Variants in DDRGK1 observed in about 807,000 individuals in gnomAD.
DDRGK1 encodes the protein DDRGK domain-containing protein 1.
Under a neutral mutation model 45.8 loss-of-function variants are expected in DDRGK1, and 38 were observed. The observed-to-expected ratio is 0.83, with a 90% CI of 0.64 to 1.09. The LOEUF (loss-of-function observed/expected upper bound fraction) is 1.09. Among genes scored for constraint, DDRGK1 ranks in the 50% least tolerant of loss-of-function variants. DDRGK1 has a pLI of 0.00. For missense variants in DDRGK1, 403 were observed against 419.9 expected (o/e 0.96, Z 0.35); for synonymous variants, 171 against 168.7 (o/e 1.01, Z -0.11).
chr20:3,190,864 C>G lies in DDRGK1; in HGVS notation c.779-45G>C, dbSNP rs1216410442. 3 of 1,565,564 alleles carry G rather than the reference C, an allele frequency of 1.9e-6. No individual in the cohort carries two copies. In the East Asian group the frequency reaches 6.9e-5, roughly 36 times the overall value. On this transcript the variant is annotated intron_variant, in intron 8 of 8. Transcript: ENST00000354488. ...GTGGGGCTGAGGCCTCCTGGGCGTT[C>G]CCCATCTGGCCTGAGAATGCCCACC...
intron 3 of DDRGK1, 79 bp downstream of exon 3, chr20:3,200,263 C>A: frequency 6.7e-7 from 1 of 1,482,518 alleles, no homozygotes; most frequent in African/African-American, 1.4e-5. Context: ...AGGCAACAAG[C>A]CCTCAGTCTG....
At chr20:3,203,547 T>G (rs1438386255) in intron 1 of DDRGK1, 131 bp from the exon 2 acceptor site, 3 of 1,267,764 alleles carry the variant, frequency 2.4e-6, no homozygotes, top group African/African-American at 3.1e-5. Context: ...CCCCGACTTC[T>G]CAGTCTGACT....
rs1164812550 is a variant in DDRGK1 at position 3,200,398 on chromosome 20, C to T, written c.352G>A (p.Gly118Arg). Reference sequence around the variant, plus strand: ...TCCAGCTTCCGCAGTTTCTTAGCTCCAATTTTCCCCGACAGGTGAGTTTCC... The same window carrying T: ...TCCAGCTTCCGCAGTTTCTTAGCTCTAATTTTCCCCGACAGGTGAGTTTCC... ...PAETHLSGKI[G>R]AKKLRKLEEK... The change falls in exon 3 of 9, where the codon GGA becomes AGA. Residue 118 changes from glycine (G) to arginine (R), a missense_variant. Gly to Arg is a moderately radical substitution (Grantham distance 125). Transcript: ENST00000354488. The T allele has an allele frequency of 1.3e-6, 2 of 1,584,280 alleles. No homozygotes were observed. Among genetic ancestry groups the T allele is most frequent in the Non-Finnish European group, 1.7e-6 (2 of 1,164,874 alleles).
chr20:3,202,847 G>T (rs1370779765), intron 2 of DDRGK1, among the ~76,000 whole-genome samples: 2 of 152,166 alleles, frequency 1.3e-5, no homozygotes, highest in African/African-American at 4.8e-5. Flanking sequence ...GGTTGTGGGT[G>T]ACCCCACTCC....
chr20:3,196,740 T>G (rs572202183), intron 4 of DDRGK1, among the ~76,000 whole-genome samples: 44 of 152,120 alleles, frequency 2.9e-4, no homozygotes, highest in Admixed American at 6.6e-4. Context: ...AAGATGAGTC[T>G]GGGGCATCTT....
At chr20:3,198,762 T>C (rs2067023292) in intron 4 of DDRGK1, among the ~76,000 whole-genome samples, 1 of 128,848 alleles carries the variant, frequency 7.8e-6, no homozygotes, top group Non-Finnish European at 1.6e-5. Flanking sequence ...CAGAAGAGCC[T>C]AAGGAGACAT....
chr20:3,200,960 A>T (rs544319645), intron 2 of DDRGK1, among the ~76,000 whole-genome samples: 1 of 152,186 alleles, frequency 6.6e-6, no homozygotes, highest in African/African-American at 2.4e-5. Context: ...AATACAAAAA[A>T]TTAGCTGGGT....
At chr20:3,194,772 C>G (rs753052631) in intron 6 of DDRGK1, 58 bp downstream of exon 6, 15 of 1,611,272 alleles carry the variant, frequency 9.3e-6, no homozygotes, top group Admixed American at 1.7e-5. Context: ...TGGAGGCATC[C>G]AACCTGCACA....
At position 3,200,017 on chromosome 20, in the gene DDRGK1, A is replaced by C; in HGVS notation, c.494T>G (p.Leu165Arg). The C allele has an allele frequency of 6.2e-7, 1 of 1,612,520 alleles. No homozygotes were observed. The highest frequency in any genetic ancestry group is 8.5e-7 in the Non-Finnish European group (1 of 1,179,498). Residue 165 changes from leucine to arginine, a missense_variant, in exon 4 of 9, where the codon CTG becomes CGG. By Grantham distance (102) the Leu-to-Arg change is moderately radical. Transcript: ENST00000354488. ...EWKKEEERLR[L>R]EEEQKEEEER... ...TGGCCTCACCTTCTGCTCCTCCTCC[A>C]GGCGAAGCCGCTCCTCCTCCTTCTT...
Position 3,190,639 on chromosome 20 carries a change from G to C in DDRGK1, c.*14C>G, listed in dbSNP as rs41281844. ...GGCCACACCAACTCTGAGTCCAAGA[G>C]GGAAGGACTGGGGTCAGGCTGGGGC... On this transcript the variant is annotated 3_prime_UTR_variant, in exon 9 of 9. Transcript: ENST00000354488. 6.2e-7 allele frequency: 1 copy of C among 1,613,018 alleles called. No homozygotes were observed. The highest frequency in any genetic ancestry group is 1.7e-5 in the Admixed American group (1 of 59,982).
intron 1 of DDRGK1, among the ~76,000 whole-genome samples, chr20:3,203,732 C>A (rs896856306): frequency 6.6e-6 from 1 of 152,230 alleles, no homozygotes; most frequent in Non-Finnish European, 1.5e-5. Flanking sequence ...CAGGAATCCA[C>A]TGATTTCTCG....
At chr20:3,201,358 C>T (rs1600477207) in intron 2 of DDRGK1, among the ~76,000 whole-genome samples, 1 of 148,676 alleles carries the variant, frequency 6.7e-6, no homozygotes, top group East Asian at 2.0e-4. Context: ...ACTAGGGACG[C>T]TGAAGCAGGA....
At chr20:3,203,037 G>T (rs949631701) in intron 2 of DDRGK1, among the ~76,000 whole-genome samples, 176 bp downstream of exon 2, 1 of 151,982 alleles carries the variant, frequency 6.6e-6, no homozygotes, top group Non-Finnish European at 1.5e-5. Flanking sequence ...AGGTAGGGGG[G>T]GTTGACCCAG....
At chr20:3,194,893 G>A (rs1226589107) in intron 5 of DDRGK1, 25 bp from the exon 6 acceptor site, 6 of 1,613,302 alleles carry the variant, frequency 3.7e-6, no homozygotes, top group Non-Finnish European at 2.5e-6. Context: ...AAATCAGGGT[G>A]AGCACCCCCT....
In DDRGK1 at chr20:3,198,568, C is replaced by G. The variant is rs897003358; in HGVS notation, c.510+1433G>C. 2.7e-5 allele frequency among the ~76,000 whole-genome samples: 4 copies of G among 149,976 alleles called. 1 individual carries two copies. The highest frequency in any genetic ancestry group is 9.8e-5 in the African/African-American group (4 of 40,650). On this transcript the variant is annotated intron_variant, in intron 4 of 8. Coordinates refer to ENST00000354488, the MANE Select transcript of DDRGK1 (RefSeq NM_023935.3). The stretch of plus-strand genomic sequence containing the variant: ...ATACAAAATTAGCCGGGCGTGGTGG[C>G]ACATGCCTGTAATCCCAGCTACTTG...
At chr20:3,194,381 C>A (rs1481265265) in intron 6 of DDRGK1, among the ~76,000 whole-genome samples, 1 of 152,246 alleles carries the variant, frequency 6.6e-6, no homozygotes, top group Admixed American at 6.5e-5. Flanking sequence ...AGGGGACACA[C>A]TGCCGCCCCA....
chr20:3,197,301 T>C (rs2067015441), intron 4 of DDRGK1, among the ~76,000 whole-genome samples: 1 of 151,422 alleles, frequency 6.6e-6, no homozygotes. Flanking sequence ...CTGTAAGAGA[T>C]TTCCATATAA....
At chr20:3,201,153 G>T (rs1249532377) in intron 2 of DDRGK1, among the ~76,000 whole-genome samples, 1 of 151,488 alleles carries the variant, frequency 6.6e-6, no homozygotes, top group African/African-American at 2.4e-5. Context: ...GCATGGTGGC[G>T]GGTGCCTGTA....
intron 4 of DDRGK1, 61 bp from the exon 5 acceptor site, chr20:3,195,414 G>C (rs113297142): frequency 1.1e-5 from 17 of 1,522,348 alleles, no homozygotes; most frequent in Admixed American, 8.6e-5. Flanking sequence ...CACCTGTTCT[G>C]GTTGCTGCTA....
Sources: gnomAD v4.1 joint callset for allele counts (sites outside exome capture counted in the v4.1 genomes callset) on GRCh38, gnomAD v4.1.1 for gene constraint, MANE v1.5 for transcripts, NCBI Gene and HGNC (gene_info 2026-07-23, HGNC 2026-07-21) for gene names.